Variants in NGLY1 observed in about 807,000 individuals in gnomAD.
NGLY1 encodes N-glycanase 1, also known as peptide-N(4)-(N-acetyl-beta-glucosaminyl)asparagine amidase.
A neutral mutation model predicts 84.6 loss-of-function variants in NGLY1; 68 were observed. That is an observed-to-expected ratio of 0.80 (90% confidence interval 0.66 to 0.98). The LOEUF (loss-of-function observed/expected upper bound fraction) is 0.98. Ranked by LOEUF, NGLY1 falls within the 50% of genes least tolerant of loss-of-function variation. The pLI, the probability that NGLY1 is intolerant of heterozygous loss-of-function variation, is 0.00. For missense variants in NGLY1, 779 were observed against 770.2 expected (o/e 1.01, Z -0.14); for synonymous variants, 280 against 275.2 (o/e 1.02, Z -0.17).
intron 9 of NGLY1, 91 bp from the exon 10 acceptor site, chr3:25,729,409 C>G (rs1308167265): frequency 2.5e-6 from 2 of 797,012 alleles, no homozygotes; most frequent in Non-Finnish European, 3.4e-6. Context: ...TAAGAGAATC[C>G]TTCAAAATTG....
intron 1 of NGLY1, among the ~76,000 whole-genome samples, chr3:25,779,274 A>T (rs1369603819): frequency 2.0e-5 from 3 of 152,180 alleles, no homozygotes; most frequent in African/African-American, 7.2e-5. Context: ...ATGGCAATAA[A>T]AGGAAGACAT....
At chr3:25,743,768 A>AG (rs1553655580) in intron 4 of NGLY1, among the ~76,000 whole-genome samples, 1 of 152,214 alleles carries the variant, frequency 6.6e-6, no homozygotes, top group Admixed American at 6.5e-5. Context: ...AAGACCAAGA[A>AG]GAAAGGAAAG....
intron 2 of NGLY1, among the ~76,000 whole-genome samples, chr3:25,768,622 G>A (rs1348747834): frequency 2.7e-5 from 4 of 145,840 alleles, no homozygotes; most frequent in African/African-American, 5.1e-5. Flanking sequence ...GGAGCACAGT[G>A]GTGCGATCTT....
chr3:25,769,387 G>A (rs1254017414), intron 2 of NGLY1, among the ~76,000 whole-genome samples: 1 of 151,966 alleles, frequency 6.6e-6, no homozygotes, highest in East Asian at 1.9e-4. Flanking sequence ...AAATAAAAAT[G>A]AGCAAAAGAT....
intron 9 of NGLY1, chr3:25,730,567 C>A (rs1705490628): frequency 6.6e-6 from 1 of 152,116 alleles, no homozygotes; most frequent in African/African-American, 2.4e-5. Flanking sequence ...TAAATTAGCT[C>A]TTTTTAACTG....
chr3:25,747,115 C>T (rs1260045446), intron 4 of NGLY1, among the ~76,000 whole-genome samples: 1 of 152,334 alleles, frequency 6.6e-6, no homozygotes, highest in Non-Finnish European at 1.5e-5. Context: ...CTGCTTTACA[C>T]TCAGTTGATC....
chr3:25,776,502 C>A (rs1708160921), intron 2 of NGLY1, among the ~76,000 whole-genome samples: 2 of 152,092 alleles, frequency 1.3e-5, no homozygotes, highest in South Asian at 4.1e-4. Context: ...CAGATGACAC[C>A]ATAATTTATA....
Position 25,755,493 on chromosome 3 carries a change from C to T in NGLY1, c.493-4230G>A, listed in dbSNP as rs982367181. The stretch of plus-strand genomic sequence containing the variant: ...TTTAACAGTGCAGATTCCACCTTCT[C>T]GGTCCACACCTGTCAAACCAGTTCC... On this transcript the variant is annotated intron_variant, in intron 3 of 11. Transcript: ENST00000280700. The T allele has an allele frequency of 1.0e-5, 15 of 1,459,394 alleles. No individual in the cohort carries two copies. In the African/African-American group the frequency reaches 1.3e-4, roughly 12 times the overall value. 90.4% of individuals were successfully genotyped at this position (1,459,394 alleles called of 1,614,324 possible).
intron 3 of NGLY1, among the ~76,000 whole-genome samples, chr3:25,761,753 T>G (rs781480035): frequency 3.7e-4 from 56 of 152,206 alleles, no homozygotes; most frequent in Non-Finnish European, 5.7e-4. Flanking sequence ...AAAATTTGTA[T>G]GTGAATGTTC....
intron 1 of NGLY1, among the ~76,000 whole-genome samples, chr3:25,788,508 G>A (rs1331128550): frequency 3.3e-5 from 5 of 152,168 alleles, no homozygotes; most frequent in South Asian, 4.1e-4. Context: ...CAAAGAAAAG[G>A]TGATAAGAGG....
intron 4 of NGLY1, among the ~76,000 whole-genome samples, chr3:25,749,335 T>C (rs908571031): frequency 2.6e-5 from 4 of 152,124 alleles, no homozygotes; most frequent in African/African-American, 7.2e-5. Context: ...GCCAAAATAT[T>C]GAAACAACCC....
intron 3 of NGLY1, among the ~76,000 whole-genome samples, chr3:25,751,865 C>T (rs1706768563): frequency 6.6e-6 from 1 of 152,172 alleles, no homozygotes; most frequent in Admixed American, 6.5e-5. Flanking sequence ...TCCTTGTCAC[C>T]TCATCAACAA....
intron 4 of NGLY1, among the ~76,000 whole-genome samples, chr3:25,750,702 A>G (rs977896733): frequency 1.3e-5 from 2 of 152,258 alleles, no homozygotes; most frequent in Non-Finnish European, 2.9e-5. Flanking sequence ...TATATGCAAT[A>G]AAATTATACT....
At chr3:25,763,836 AC>A (rs1218657640) in intron 3 of NGLY1, among the ~76,000 whole-genome samples, 2 of 152,188 alleles carry the variant, frequency 1.3e-5, no homozygotes, top group African/African-American at 4.8e-5. Context: ...GTTGGAAATA[AC>A]CCCCACAGTG....
At position 25,719,594 on chromosome 3, in the gene NGLY1, C is replaced by T. The variant is rs1173214162; in HGVS notation, c.1831G>A (p.Glu611Lys). Residue 611 changes from glutamate to lysine, a missense_variant, in exon 12 of 12, where the codon GAA becomes AAA. By Grantham distance (56) the Glu-to-Lys change is moderately conservative. Coordinates refer to ENST00000280700, the MANE Select transcript of NGLY1 (RefSeq NM_018297.4). The stretch of plus-strand genomic sequence containing the variant: ...CTTAATTCTGCTTCCAAAATAACTT[C>T]AGTGGCACCAGAAAAATCAGCATAG... The part of the protein sequence containing the change: ...HSYADFSGAT[E>K]VILEAELSRG... 2 of 1,613,836 alleles carry T rather than the reference C, an allele frequency of 1.2e-6. No homozygotes were observed. The highest frequency in any genetic ancestry group is 1.7e-6 in the Non-Finnish European group (2 of 1,179,860).
At chr3:25,789,776 A>G in intron 1 of NGLY1, 4 of 1,412,002 alleles carry the variant, frequency 2.8e-6, no homozygotes, top group Non-Finnish European at 3.9e-6. Context: ...GTAGAATACG[A>G]TGGTGTCCCT....
At chr3:25,768,941 T>C (rs1176865389) in intron 2 of NGLY1, among the ~76,000 whole-genome samples, 2 of 152,000 alleles carry the variant, frequency 1.3e-5, no homozygotes, top group Non-Finnish European at 2.9e-5. Flanking sequence ...GAAAGAACAA[T>C]GTGAAGAGAC....
chr3:25,719,599 G>A lies in NGLY1; in HGVS notation c.1826C>T (p.Ala609Val). Residue 609 changes from alanine to valine, a missense_variant, in exon 12 of 12, where the codon GCC (alanine) becomes GTC (valine). Transcript: ENST00000280700. ...TTCTGCTTCCAAAATAACTTCAGTG[G>A]CACCAGAAAAATCAGCATAGGAGTG... The part of the protein sequence containing the change: ...SLHSYADFSG[A>V]TEVILEAELS... 6.2e-7 allele frequency: 1 copy of A among 1,613,756 alleles called. No individual in the cohort carries two copies. Among genetic ancestry groups the A allele is most frequent in the Non-Finnish European group, 8.5e-7 (1 of 1,179,820 alleles).
chr3:25,777,749 C>T (rs992721986), intron 2 of NGLY1: 1 of 152,196 alleles, frequency 6.6e-6, no homozygotes, highest in African/African-American at 2.4e-5. Flanking sequence ...CATCTACTGG[C>T]TGTTTAACCT....
Sources: gnomAD v4.1 joint callset for allele counts (sites outside exome capture counted in the v4.1 genomes callset) on GRCh38, gnomAD v4.1.1 for gene constraint, MANE v1.5 for transcripts, NCBI Gene and HGNC (gene_info 2026-07-23, HGNC 2026-07-21) for gene names.